Variants in NAALADL2 observed in about 807,000 individuals in gnomAD.
NAALADL2 encodes the protein inactive N-acetylated-alpha-linked acidic dipeptidase-like protein 2.
NAALADL2 carries 76 observed loss-of-function variants against 87.2 expected under a neutral mutation model. That is an observed-to-expected ratio of 0.87 (90% CI 0.72 to 1.05). NAALADL2 has a LOEUF of 1.05. Among genes scored for constraint, NAALADL2 ranks in the 50% least tolerant of loss-of-function variants. The probability of loss-of-function intolerance (pLI) is 0.00; values close to 1 mark genes in which losing one functional copy is unlikely to be tolerated. For synonymous variants in NAALADL2, 354 were observed against 331.0 expected (o/e 1.07, Z -0.75); for missense variants, 1,089 against 945.8 (o/e 1.15, Z -1.99).
chr3:175,260,517 A>G (rs1750853759), intron 4 of NAALADL2, among the ~76,000 whole-genome samples: 1 of 152,206 alleles, frequency 6.6e-6, no homozygotes, highest in South Asian at 2.1e-4. Context: ...ATTACGGCCC[A>G]ATTTGCTTCA....
chr3:174,916,244 G>C (rs545200708), intron 1 of NAALADL2, among the ~76,000 whole-genome samples: 3 of 152,098 alleles, frequency 2.0e-5, no homozygotes, highest in Admixed American at 2.0e-4. Context: ...GGTGAAAAGG[G>C]AACACATTAA....
intron 5 of NAALADL2, among the ~76,000 whole-genome samples, chr3:175,349,050 T>C (rs1200365173): frequency 6.6e-6 from 1 of 152,262 alleles, no homozygotes; most frequent in Non-Finnish European, 1.5e-5. Context: ...AGTTTCTTTT[T>C]CTTTTAATTA....
intron 1 of NAALADL2, among the ~76,000 whole-genome samples, chr3:174,985,365 T>C (rs1453211058): frequency 6.6e-6 from 1 of 152,202 alleles, no homozygotes; most frequent in African/African-American, 2.4e-5. Context: ...CTGGCCATCT[T>C]TGAGTGAAAA....
intron 1 of NAALADL2, among the ~76,000 whole-genome samples, chr3:174,453,143 C>T (rs902611694): frequency 6.6e-6 from 1 of 152,038 alleles, no homozygotes; most frequent in Non-Finnish European, 1.5e-5. Flanking sequence ...AATGCAATCA[C>T]AAGTATTAAT....
intron 5 of NAALADL2, among the ~76,000 whole-genome samples, chr3:175,424,843 A>C (rs1019700946): frequency 6.6e-6 from 1 of 152,160 alleles, no homozygotes; most frequent in Non-Finnish European, 1.5e-5. Context: ...TCTGGGTGGC[A>C]TATAATAACA....
At chr3:175,174,748 A>T (rs934059473) in intron 2 of NAALADL2, among the ~76,000 whole-genome samples, 1 of 151,700 alleles carries the variant, frequency 6.6e-6, no homozygotes, top group African/African-American at 2.4e-5. Context: ...CCAAGAGTTT[A>T]TATAAACATA....
intron 11 of NAALADL2, among the ~76,000 whole-genome samples, chr3:175,652,639 C>T (rs1012682832): frequency 5.9e-5 from 9 of 151,796 alleles, no homozygotes; most frequent in African/African-American, 1.9e-4. Flanking sequence ...CCACCGCGCC[C>T]GGCTAATTTT....
intron 2 of NAALADL2, among the ~76,000 whole-genome samples, chr3:174,697,900 G>A (rs1729180834): frequency 6.6e-6 from 1 of 151,972 alleles, no homozygotes; most frequent in African/African-American, 2.4e-5. Context: ...GACCATCCTG[G>A]CCAATGTGGT....
At chr3:174,757,795 G>A (rs1053879150) in intron 3 of NAALADL2, among the ~76,000 whole-genome samples, 1 of 152,098 alleles carries the variant, frequency 6.6e-6, no homozygotes, top group African/African-American at 2.4e-5. Flanking sequence ...GAGCCACTGT[G>A]CCCAGCCTAG....
chr3:174,979,841 A>C lies in NAALADL2; in HGVS notation c.44-116949A>C, dbSNP rs183463260. 2.6e-4 allele frequency among the ~76,000 whole-genome samples: 40 copies of C among 152,304 alleles called. 1 individual carries two copies. The highest frequency in any genetic ancestry group is 2.1e-3 in the Admixed American group (32 of 15,300). ...GGCATTTGGGATTCTATAAATCTTAAGCAATGTTCTGCCTTTGATTTTCAA... is the reference window on the plus strand; with the variant it reads ...GGCATTTGGGATTCTATAAATCTTACGCAATGTTCTGCCTTTGATTTTCAA... On this transcript the variant is annotated intron_variant, in intron 1 of 13. Transcript: ENST00000454872.
intron 1 of NAALADL2, among the ~76,000 whole-genome samples, chr3:174,485,946 G>C (rs1717831361): frequency 6.6e-6 from 1 of 151,864 alleles, no homozygotes; most frequent in Non-Finnish European, 1.5e-5. Flanking sequence ...TGAATCTTCT[G>C]CATATGGCTA....
At position 174,755,989 on chromosome 3, in the gene NAALADL2, AT is replaced by A. The variant is rs749210710; in HGVS notation, c.-9+18245del. Among the ~76,000 whole-genome samples, 17 of 152,318 alleles carry A rather than the reference AT, an allele frequency of 1.1e-4. No individual in the cohort carries two copies. In the Middle Eastern group the frequency reaches 0.01, roughly 91 times the overall value. ...GTGTTTATTGATCTATTTCTTAATA[AT>A]TCCATATCAGGCAATCACACAATTC... On this transcript the variant is annotated intron_variant, in intron 3 of 3. Transcript: ENST00000434257.
Position 175,727,282 on chromosome 3 carries a change from G to GA in NAALADL2, c.1897-10020dup, listed in dbSNP as rs551253619. Among the ~76,000 whole-genome samples the GA allele has an allele frequency of 2.6e-5, 4 of 152,272 alleles. No homozygotes were observed. In the East Asian group the frequency reaches 7.7e-4, roughly 29 times the overall value. The stretch of plus-strand genomic sequence containing the variant: ...ACAGCAGTTTCTCAGCACGCTGAGA[G>GA]AAAAGAACTCTTTCCTCCGGAGGTA... On this transcript the variant is annotated intron_variant, in intron 11 of 13. Coordinates refer to ENST00000454872, the MANE Select transcript of NAALADL2 (RefSeq NM_207015.3).
rs984240742 is a variant in NAALADL2, at chr3:175,805,235, A to C, written c.*2032A>C. ...TTCATTATTTTAGAACAAATTTCTA[A>C]ATTAATTTATTCCCATAACCTACAA... On this transcript the variant is annotated 3_prime_UTR_variant, in exon 14 of 14. Transcript: ENST00000454872. The C allele has an allele frequency of 2.0e-5, 3 of 151,952 alleles. No homozygotes were observed. Among genetic ancestry groups the C allele is most frequent in the African/African-American group, 2.4e-5 (1 of 41,430 alleles). The allele number at this position is 151,952 out of a possible 1,614,324, so 9.4% of individuals were successfully genotyped here. A position where few individuals can be genotyped will look rare whatever the true frequency, so the allele number is the denominator to read the frequency against.
intron 11 of NAALADL2, among the ~76,000 whole-genome samples, chr3:175,660,162 T>C (rs1732054208): frequency 6.6e-6 from 1 of 152,126 alleles, no homozygotes; most frequent in Non-Finnish European, 1.5e-5. Context: ...TCCACCCTCA[T>C]GACTCAATCA....
intron 1 of NAALADL2, among the ~76,000 whole-genome samples, chr3:175,021,777 A>G (rs541347839): frequency 1.3e-5 from 2 of 152,214 alleles, no homozygotes; most frequent in South Asian, 2.1e-4. Context: ...ATTGTTTTCT[A>G]ATTGATAGAT....
intron 1 of NAALADL2, among the ~76,000 whole-genome samples, chr3:174,900,044 CAAA>C (rs1227300838): frequency 6.6e-6 from 1 of 151,350 alleles, no homozygotes; most frequent in Non-Finnish European, 1.5e-5. Flanking sequence ...TTTGGCAAAA[CAAA>C]AATAAAACAA....
chr3:175,768,261 C>T (rs1749009664), intron 13 of NAALADL2, among the ~76,000 whole-genome samples: 1 of 152,148 alleles, frequency 6.6e-6, no homozygotes, highest in African/African-American at 2.4e-5. Context: ...CTGGTCTTCA[C>T]AATACCTTAT....
chr3:174,564,724 G>A (rs1410605480), intron 2 of NAALADL2, among the ~76,000 whole-genome samples: 3 of 151,964 alleles, frequency 2.0e-5, no homozygotes, highest in Non-Finnish European at 4.4e-5. Flanking sequence ...AATGAATTTA[G>A]TGATTTATTA....
Sources: allele counts gnomAD v4.1 joint callset (sites outside exome capture counted in the v4.1 genomes callset), GRCh38; gene constraint gnomAD v4.1.1; transcripts MANE v1.5; gene names NCBI Gene and HGNC (gene_info 2026-07-23, HGNC 2026-07-21).